XKR6: variants seen among roughly 807,000 people sequenced by gnomAD.
XKR6 encodes XK-related protein 6.
In XKR6, 22 loss-of-function variants were observed where a neutral mutation model predicts 56.7. That is an observed-to-expected ratio of 0.39 (90% CI 0.28 to 0.55). XKR6 has a LOEUF of 0.55. XKR6 is among the 20% of genes least tolerant of loss of function. The probability of loss-of-function intolerance (pLI) is 0.66; values close to 1 mark genes in which losing one functional copy is unlikely to be tolerated. For missense variants in XKR6, 852 were observed against 889.0 expected (o/e 0.96, Z 0.53); for synonymous variants, 524 against 387.8 (o/e 1.35, Z -4.13).
chr8:10,990,287 T>TA, intron 1 of XKR6, among the ~76,000 whole-genome samples: 1 of 152,198 alleles, frequency 6.6e-6, no homozygotes, highest in Non-Finnish European at 1.5e-5. Context: ...GTCTTACTGT[T>TA]ACTCTTAGAC....
chr8:11,100,025 G>C (rs549993794), intron 1 of XKR6, among the ~76,000 whole-genome samples: 12 of 152,192 alleles, frequency 7.9e-5, no homozygotes, highest in Non-Finnish European at 1.6e-4. Flanking sequence ...GGTGCAGCCA[G>C]TTTAAGTAGG....
intron 1 of XKR6, among the ~76,000 whole-genome samples, chr8:10,994,602 G>A (rs1190454067): frequency 6.6e-6 from 1 of 152,156 alleles, no homozygotes; most frequent in Non-Finnish European, 1.5e-5. Context: ...TAACCTGTGT[G>A]TTATTTCCAC....
intron 1 of XKR6, among the ~76,000 whole-genome samples, chr8:11,109,976 T>C (rs911193713): frequency 2.0e-5 from 3 of 152,122 alleles, no homozygotes; most frequent in African/African-American, 7.2e-5. Context: ...TTTTTGTTTT[T>C]GTTTGTTTGT....
intron 1 of XKR6, among the ~76,000 whole-genome samples, chr8:11,177,117 G>C (rs1313307810): frequency 2.6e-5 from 4 of 152,274 alleles, no homozygotes; most frequent in African/African-American, 7.2e-5. Flanking sequence ...TGGAGAAAAA[G>C]CACCATGTGC....
Position 11,201,190 on chromosome 8 carries a change from C to G in XKR6, c.150G>C (p.Glu50Asp), listed in dbSNP as rs985600295. 3 of 1,528,546 alleles carry G rather than the reference C, an allele frequency of 2.0e-6. No individual in the cohort carries two copies. The highest frequency in any genetic ancestry group is 2.6e-6 in the Non-Finnish European group (3 of 1,144,208). 94.7% of individuals were successfully genotyped at this position (1,528,546 alleles called of 1,614,324 possible). Reference protein sequence around the residue: ...GGGGDGSEPGESSSMHICHCC... With the variant: ...GGGGDGSEPGDSSSMHICHCC... ...AGTGGCAGATGTGCATCGAGCTGCT[C>G]TCGCCGGGCTCGCTGCCGTCGCCGC... Residue 50 changes from glutamate (E) to aspartate (D), a missense_variant, in exon 1 of 3, where the codon GAG (glutamate) becomes GAC (aspartate). By Grantham distance (45) the Glu-to-Asp change is conservative. Transcript: ENST00000416569.
intron 2 of XKR6, among the ~76,000 whole-genome samples, chr8:10,921,117 T>A (rs1800695917): frequency 1.3e-5 from 2 of 152,230 alleles, no homozygotes; most frequent in African/African-American, 4.8e-5. Context: ...CTGGCCCCAG[T>A]GGGCTCCCAC....
Position 11,045,379 on chromosome 8 carries a change from T to G in XKR6, c.765-120549A>C, listed in dbSNP as rs568683374. On this transcript the variant is annotated intron_variant, in intron 1 of 2. Coordinates refer to ENST00000416569, the MANE Select transcript of XKR6 (RefSeq NM_173683.4). Reference sequence around the variant, plus strand: ...CTGGGATTATAGGTGTGAGCCACTGTGCATGGCCTCAAGCCACTCTTAAAG... The same window carrying G: ...CTGGGATTATAGGTGTGAGCCACTGGGCATGGCCTCAAGCCACTCTTAAAG... Among the ~76,000 whole-genome samples the G allele has an allele frequency of 5.9e-5, 9 of 152,288 alleles. No homozygotes were observed. The South Asian group carries it at 1.7e-3, about 28-fold the overall frequency.
At position 11,162,087 on chromosome 8, in the gene XKR6, T is replaced by A. The variant is rs185311693; in HGVS notation, c.764+38489A>T. ...AAAAAACTGACCCAGAGAAATAAAG[T>A]GATATGACCAAGATAGAAAGCTTTT... is the stretch of plus-strand genomic sequence containing the variant. On this transcript the variant is annotated intron_variant, in intron 1 of 2. Transcript: ENST00000416569. 3.7e-3 allele frequency among the ~76,000 whole-genome samples: 556 copies of A among 152,208 alleles called. 4 individuals are homozygous for A. Among genetic ancestry groups the A allele is most frequent in the Middle Eastern group, 0.01 (3 of 294 alleles).
chr8:11,198,397 ATAAGT>A (rs5742489), intron 1 of XKR6, among the ~76,000 whole-genome samples: 133,055 of 151,446 alleles, frequency 0.88, 58,535 homozygotes, highest in East Asian at 0.95. Context: ...ATGTCTTTTA[ATAAGT>A]TAACTTTAGG....
At chr8:11,162,896 G>A (rs1446853552) in intron 1 of XKR6, among the ~76,000 whole-genome samples, 1 of 152,182 alleles carries the variant, frequency 6.6e-6, no homozygotes, top group African/African-American at 2.4e-5. Flanking sequence ...AGTGTTTTAG[G>A]AGTTCACAGA....
intron 1 of XKR6, among the ~76,000 whole-genome samples, chr8:11,049,697 C>T (rs1254267650): frequency 6.6e-6 from 1 of 152,202 alleles, no homozygotes; most frequent in Non-Finnish European, 1.5e-5. Flanking sequence ...AGTGTTAACA[C>T]TGGAAACACC....
At chr8:11,037,771 T>G (rs1192862341) in intron 1 of XKR6, among the ~76,000 whole-genome samples, 1 of 151,788 alleles carries the variant, frequency 6.6e-6, no homozygotes, top group Admixed American at 6.6e-5. Flanking sequence ...GGCAGGAGAT[T>G]CGTTTGAACC....
chr8:10,967,646 G>A (rs555326018), intron 1 of XKR6, among the ~76,000 whole-genome samples: 1 of 152,332 alleles, frequency 6.6e-6, no homozygotes, highest in East Asian at 1.9e-4. Context: ...AGGTGGGGAG[G>A]GTTGTCCTGG....
At chr8:10,927,517 G>A (rs1779096835) in intron 1 of XKR6, among the ~76,000 whole-genome samples, 2 of 152,110 alleles carry the variant, frequency 1.3e-5, no homozygotes, top group Admixed American at 1.3e-4. Context: ...CTGGAGGAAC[G>A]GTTATATGGC....
intron 1 of XKR6, among the ~76,000 whole-genome samples, chr8:10,945,902 A>C: frequency 6.6e-6 from 1 of 152,208 alleles, no homozygotes; most frequent in South Asian, 2.1e-4. Flanking sequence ...CCTGTCCCCA[A>C]GCCTCACTCT....
At chr8:11,142,832 G>A (rs1183396685) in intron 1 of XKR6, among the ~76,000 whole-genome samples, 2 of 152,278 alleles carry the variant, frequency 1.3e-5, no homozygotes, top group East Asian at 1.9e-4. Context: ...GGAACAATGT[G>A]AGCTTCAATG....
chr8:11,136,017 A>G (rs888646933), intron 1 of XKR6, among the ~76,000 whole-genome samples: 1 of 152,198 alleles, frequency 6.6e-6, no homozygotes, highest in Non-Finnish European at 1.5e-5. Context: ...TCTTTTATCT[A>G]TGGAATTGAG....
intron 1 of XKR6, among the ~76,000 whole-genome samples, chr8:10,963,138 A>G (rs951426750): frequency 6.6e-6 from 1 of 152,196 alleles, no homozygotes; most frequent in Non-Finnish European, 1.5e-5. Flanking sequence ...GCCAGTTCAG[A>G]GTCCAAGCCA....
intron 1 of XKR6, among the ~76,000 whole-genome samples, chr8:11,176,751 C>G (rs1802677033): frequency 6.6e-6 from 1 of 151,976 alleles, no homozygotes; most frequent in African/African-American, 2.4e-5. Context: ...CAGTATCTTC[C>G]TCAAAGAAAA....
Sources: allele counts gnomAD v4.1 joint callset (sites outside exome capture counted in the v4.1 genomes callset), GRCh38; gene constraint gnomAD v4.1.1; transcripts MANE v1.5; gene names NCBI Gene and HGNC (gene_info 2026-07-23, HGNC 2026-07-21).